The following LRP1B variants were observed in gnomAD, a reference collection of about 807,000 sequenced individuals.
LRP1B encodes the protein low-density lipoprotein receptor-related protein 1B.
In LRP1B, 217 loss-of-function variants were observed where a neutral mutation model predicts 556.6. The observed-to-expected ratio is 0.39, with a 90% CI of 0.35 to 0.44. The LOEUF is 0.44. LRP1B is among the 20% of genes least tolerant of loss of function. The pLI is 1.00. For missense variants in LRP1B, 5,053 were observed against 5,620.8 expected (o/e 0.90, Z 3.23); for synonymous variants, 2,047 against 1,865.8 (o/e 1.10, Z -2.50).
chr2:140,405,085 A>G (rs1684673022), intron 66 of LRP1B, among the ~76,000 whole-genome samples: 1 of 152,228 alleles, frequency 6.6e-6, no homozygotes, highest in African/African-American at 2.4e-5. Flanking sequence ...CCTCAAAACT[A>G]TACAAATAAA....
intron 66 of LRP1B, among the ~76,000 whole-genome samples, chr2:140,391,096 T>C (rs1683999231): frequency 6.6e-6 from 1 of 152,100 alleles, no homozygotes; most frequent in Non-Finnish European, 1.5e-5. Context: ...GCTATAACCT[T>C]TCTGATTATG....
chr2:142,090,805 A>T (rs1706138467), intron 1 of LRP1B, among the ~76,000 whole-genome samples: 1 of 152,164 alleles, frequency 6.6e-6, no homozygotes, highest in Non-Finnish European at 1.5e-5. Context: ...TTAAGTGGAT[A>T]TATAGTTTCC....
chr2:141,224,149 G>GACACACAC (rs143871429), intron 6 of LRP1B, among the ~76,000 whole-genome samples: 1 of 137,642 alleles, frequency 7.3e-6, no homozygotes, highest in African/African-American at 2.5e-5. Context: ...TAAACAAATT[G>GACACACAC]ACACACACAC....
At chr2:141,277,278 T>G (rs1685338532) in intron 3 of LRP1B, among the ~76,000 whole-genome samples, 1 of 152,234 alleles carries the variant, frequency 6.6e-6, no homozygotes, top group African/African-American at 2.4e-5. Context: ...CATTCCCTTT[T>G]CACCACAGTC....
chr2:140,985,851 T>A (rs1696905923), intron 17 of LRP1B, among the ~76,000 whole-genome samples: 1 of 151,354 alleles, frequency 6.6e-6, no homozygotes, highest in African/African-American at 2.4e-5. Flanking sequence ...TTTTTTTCTA[T>A]ATTTGTTACA....
intron 3 of LRP1B, among the ~76,000 whole-genome samples, chr2:141,467,320 T>C (rs1468770989): frequency 1.3e-5 from 2 of 151,822 alleles, no homozygotes; most frequent in South Asian, 2.1e-4. Context: ...TTTAAAACTA[T>C]TTGGAGAAGT....
chr2:142,099,919 C>A (rs960632774), intron 1 of LRP1B, among the ~76,000 whole-genome samples: 6 of 151,908 alleles, frequency 3.9e-5, no homozygotes, highest in Admixed American at 3.3e-4. Flanking sequence ...CATTAGAACA[C>A]CCCTCCTGGA....
At chr2:140,340,803 C>T (rs16843815) in intron 77 of LRP1B, among the ~76,000 whole-genome samples, 14,980 of 151,330 alleles carry the variant, frequency 0.099, 797 homozygotes, top group Middle Eastern at 0.14. Context: ...AATAGAAGAG[C>T]CAACTACCTG....
At chr2:141,541,044 T>A (rs915353945) in intron 2 of LRP1B, among the ~76,000 whole-genome samples, 4 of 152,018 alleles carry the variant, frequency 2.6e-5, no homozygotes, top group African/African-American at 9.6e-5. Flanking sequence ...AAAGATATCA[T>A]TCAAGTTAAA....
chr2:140,584,226 TAA>T (rs1216487394), intron 43 of LRP1B, among the ~76,000 whole-genome samples: 2 of 152,062 alleles, frequency 1.3e-5, no homozygotes, highest in African/African-American at 2.4e-5. Context: ...AAAATTAATA[TAA>T]GTTATTTGAG....
chr2:141,789,530 C>T (rs1459485195), intron 2 of LRP1B, among the ~76,000 whole-genome samples: 1 of 151,856 alleles, frequency 6.6e-6, no homozygotes, highest in Non-Finnish European at 1.5e-5. Flanking sequence ...AAAGAAACCA[C>T]CAAGATGATC....
At chr2:140,435,991 A>T (rs770515300) in intron 66 of LRP1B, among the ~76,000 whole-genome samples, 16 of 151,550 alleles carry the variant, frequency 1.1e-4, no homozygotes, top group East Asian at 3.9e-4. Flanking sequence ...TCTCTCTCTC[A>T]CACACACACA....
chr2:141,108,242 G>A (rs764882045), intron 7 of LRP1B, among the ~76,000 whole-genome samples: 32 of 147,766 alleles, frequency 2.2e-4, no homozygotes, highest in Non-Finnish European at 3.7e-4. Context: ...CAATAACCAG[G>A]AAAACTCTTT....
At chr2:141,258,759 G>T (rs1212402754) in intron 3 of LRP1B, among the ~76,000 whole-genome samples, 1 of 152,086 alleles carries the variant, frequency 6.6e-6, no homozygotes, top group Non-Finnish European at 1.5e-5. Context: ...GTTTGAAAGT[G>T]TGTAGAACTT....
intron 6 of LRP1B, among the ~76,000 whole-genome samples, chr2:141,191,697 A>C (rs979647837): frequency 1.3e-5 from 2 of 149,276 alleles, no homozygotes; most frequent in African/African-American, 4.9e-5. Flanking sequence ...TTTTTCAACC[A>C]GTCCATTAAC....
At chr2:141,400,728 C>T (rs1277725832) in intron 3 of LRP1B, among the ~76,000 whole-genome samples, 3 of 152,096 alleles carry the variant, frequency 2.0e-5, no homozygotes, top group African/African-American at 7.2e-5. Context: ...ATAATGGTCT[C>T]AATATCTCCA....
intron 63 of LRP1B, among the ~76,000 whole-genome samples, chr2:140,448,879 TTTAC>T (rs1686774812): frequency 6.6e-6 from 1 of 151,980 alleles, no homozygotes; most frequent in Non-Finnish European, 1.5e-5. Flanking sequence ...TATGTAGAAA[TTTAC>T]TTGTCAATTA....
intron 1 of LRP1B, among the ~76,000 whole-genome samples, chr2:142,118,983 G>T (rs1162861516): frequency 1.3e-5 from 2 of 152,130 alleles, no homozygotes; most frequent in Non-Finnish European, 2.9e-5. Context: ...CAACATGAAT[G>T]AAAAGTAAAC....
chr2:140,855,315 A>T (rs940177705), intron 27 of LRP1B, among the ~76,000 whole-genome samples: 3 of 20,836 alleles, frequency 1.4e-4, no homozygotes, highest in Admixed American at 7.9e-4. Context: ...GTATCCCTGC[A>T]TTACATACAG....
Sources: allele counts gnomAD v4.1 joint callset (sites outside exome capture counted in the v4.1 genomes callset), GRCh38; gene constraint gnomAD v4.1.1; transcripts MANE v1.5; gene names NCBI Gene and HGNC (gene_info 2026-07-23, HGNC 2026-07-21).